PCDHGA4: variants seen among roughly 807,000 people sequenced by gnomAD.
PCDHGA4 encodes protocadherin gamma subfamily A, 4.
In PCDHGA4, 38 loss-of-function variants were observed where a neutral mutation model predicts 54.6. The ratio of observed to expected loss-of-function variants is 0.70; its 90% CI spans 0.54 to 0.91. The LOEUF is 0.91. Ranked by LOEUF, PCDHGA4 falls within the 40% of genes least tolerant of loss-of-function variation. PCDHGA4 has a pLI of 0.00. For synonymous variants in PCDHGA4, 511 were observed against 512.9 expected (o/e 1.00, Z 0.05); for missense variants, 1,298 against 1,220.9 (o/e 1.06, Z -0.94).
At chr5:141,388,893 G>C in intron 1 of PCDHGA4, 2 of 1,613,982 alleles carry the variant, frequency 1.2e-6, no homozygotes, top group South Asian at 2.2e-5. Flanking sequence ...AGAAGTCATA[G>C]ATGAAAATGA....
Position 141,512,147 on chromosome 5 carries a change from GGCTGA to G in PCDHGA4, c.*978_*982del, listed in dbSNP as rs1406468661. The G allele has an allele frequency of 1.3e-5, 2 of 152,652 alleles. No homozygotes were observed. Among genetic ancestry groups the G allele is most frequent in the Admixed American group, 6.5e-5 (1 of 15,286 alleles). The allele number at this position is 152,652 out of a possible 1,614,324, so 9.5% of individuals were successfully genotyped here. A position where few individuals can be genotyped will look rare whatever the true frequency, so the allele number is the denominator to read the frequency against. On this transcript the variant is annotated 3_prime_UTR_variant, in exon 4 of 4. Coordinates refer to ENST00000571252, the MANE Select transcript of PCDHGA4 (RefSeq NM_018917.4). ...GGCTCAGCCCAGGCAGCCAGCTTTG[GGCTGA>G]GCTAACAGGACCAATGGATTAAACT... is the stretch of plus-strand genomic sequence containing the variant.
chr5:141,384,726 T>C (rs1561604051), intron 1 of PCDHGA4: 3 of 1,613,886 alleles, frequency 1.9e-6, no homozygotes. Flanking sequence ...ACCTCCTGCT[T>C]AAGGCCAGCG....
At position 141,485,120 on chromosome 5, in the gene PCDHGA4, G is replaced by A. The variant is rs2099607447; in HGVS notation, c.2515-9687G>A. On this transcript the variant is annotated intron_variant, in intron 1 of 3. Coordinates refer to ENST00000571252, the MANE Select transcript of PCDHGA4 (RefSeq NM_018917.4). The surrounding 1 kb of genome is among the most constrained non-coding windows in gnomAD (Gnocchi z 5.7). ...TCCAGCTGCTGTGGCTGTTTGGGGC[G>A]GGTCGGCTTCATCCGCGTCTCAGGA... The A allele has an allele frequency of 1.5e-6, 2 of 1,348,050 alleles. No homozygotes were observed. Among genetic ancestry groups the A allele is most frequent in the Non-Finnish European group, 2.1e-6 (2 of 952,710 alleles). 83.5% of individuals were successfully genotyped at this position (1,348,050 alleles called of 1,614,324 possible).
intron 1 of PCDHGA4, among the ~76,000 whole-genome samples, chr5:141,429,654 T>C (rs1373502548): frequency 6.6e-6 from 1 of 152,232 alleles, no homozygotes; most frequent in Non-Finnish European, 1.5e-5. Context: ...TTCTTCCCAA[T>C]TTAAAATATA....
intron 1 of PCDHGA4, among the ~76,000 whole-genome samples, chr5:141,454,796 ATTTTTTTTTTTTTTTTTTT>A (rs61612330): frequency 3.9e-5 from 3 of 77,408 alleles, no homozygotes; most frequent in African/African-American, 1.2e-4. Context: ...CATGGTTCTA[ATTTTTTTTTTTTTTTTTTT>A]TTTTTTTTTT....
At chr5:141,388,083 C>G in intron 1 of PCDHGA4, 9 of 1,358,266 alleles carry the variant, frequency 6.6e-6, no homozygotes, top group Non-Finnish European at 9.1e-6. Context: ...TCGAAAACTG[C>G]GCGTCAGTTC....
intron 1 of PCDHGA4, chr5:141,410,555 C>G: frequency 1.2e-6 from 2 of 1,613,202 alleles, no homozygotes; most frequent in Non-Finnish European, 1.7e-6. Flanking sequence ...CAGTGTTTCT[C>G]CTGGAGCCTT....
At chr5:141,382,717 G>A (rs759719502) in intron 1 of PCDHGA4, 38 of 488,830 alleles carry the variant, frequency 7.8e-5, no homozygotes, top group Non-Finnish European at 9.8e-5. Flanking sequence ...AGAAACCACC[G>A]AGTTTTACAG....
In PCDHGA4 at chr5:141,422,440, T is replaced by G. The variant is rs1028472076; in HGVS notation, c.2514+64819T>G. 11 of 1,610,116 alleles carry G rather than the reference T, an allele frequency of 6.8e-6. No homozygotes were observed. The highest frequency in any genetic ancestry group is 2.7e-5 in the African/African-American group (2 of 74,560). On this transcript the variant is annotated intron_variant, in intron 1 of 3. Transcript: ENST00000571252. ...AAAGACTTATGGAAATTATTACAAATTGATAACAAGCAGAGTGCTGGACAG... is the reference window on the plus strand; with the variant it reads ...AAAGACTTATGGAAATTATTACAAAGTGATAACAAGCAGAGTGCTGGACAG...
chr5:141,466,612 C>T (rs141916895), intron 1 of PCDHGA4, among the ~76,000 whole-genome samples: 1 of 152,262 alleles, frequency 6.6e-6, no homozygotes, highest in East Asian at 1.9e-4. Flanking sequence ...TTGTAAACTG[C>T]CGTTTTCTTT....
At chr5:141,478,118 G>C in intron 1 of PCDHGA4, 2 of 1,614,048 alleles carry the variant, frequency 1.2e-6, no homozygotes, top group African/African-American at 1.3e-5. Context: ...GTCAGTAACC[G>C]AGGACTCTCC....
chr5:141,507,631 C>T (rs1435446169), intron 3 of PCDHGA4, among the ~76,000 whole-genome samples: 4 of 152,236 alleles, frequency 2.6e-5, no homozygotes, highest in East Asian at 3.8e-4. Context: ...TGTGGCCTTG[C>T]GCCCTGAGGC....
Position 141,486,277 on chromosome 5 carries a change from G to A in PCDHGA4, c.2515-8530G>A, listed in dbSNP as rs1156704202. 6.2e-7 allele frequency: 1 copy of A among 1,614,020 alleles called. No individual in the cohort carries two copies. The highest frequency in any genetic ancestry group is 1.1e-5 in the South Asian group (1 of 91,056). ...CCGAGAGTGCAGAACCTGGCACTGT[G>A]GTGGCACTTATCAGTGTGCAGGATC... On this transcript the variant is annotated intron_variant, in intron 1 of 3. Transcript: ENST00000571252. The surrounding 1 kb of genome is among the most constrained non-coding windows in gnomAD (Gnocchi z 5.0).
Position 141,372,286 on chromosome 5 carries a change from C to T in PCDHGA4, c.2514+14665C>T, listed in dbSNP as rs62620706. 47 of 1,613,150 alleles carry T rather than the reference C, an allele frequency of 2.9e-5. No homozygotes were observed. The African/African-American group carries it at 5.9e-4, about 20-fold the overall frequency. ...ACGGGTGAGGTGCGCACGGCGCGTA[C>T]CTTGGGCGACAGGGAGGCCGCCCGC... On this transcript the variant is annotated intron_variant, in intron 1 of 3. Coordinates refer to ENST00000571252, the MANE Select transcript of PCDHGA4 (RefSeq NM_018917.4).
At chr5:141,405,415 G>A in intron 1 of PCDHGA4, 4 of 1,559,568 alleles carry the variant, frequency 2.6e-6, no homozygotes, top group African/African-American at 1.4e-5. Flanking sequence ...TTCTTTTTTT[G>A]TTTTTTGTTT....
chr5:141,356,451 AT>A lies in PCDHGA4; in HGVS notation c.1345del (p.Tyr449IlefsTer5). ...CACTGGACAGGGAAGAAGTCTCAGA[AT>A]ATAACATCACTGTAACTGCCACTGA... ...RTLDREEVSEYNITVTATDQG... is the reference protein window; with the variant it reads ...RTLDREEVSEXNITVTATDQG... On this transcript the variant is annotated frameshift_variant, in exon 1 of 4. Coordinates refer to ENST00000571252, the MANE Select transcript of PCDHGA4 (RefSeq NM_018917.4). LOFTEE classifies it high-confidence loss of function. 6.2e-7 allele frequency: 1 copy of A among 1,613,212 alleles called. No individual in the cohort carries two copies. Among genetic ancestry groups the A allele is most frequent in the Non-Finnish European group, 8.5e-7 (1 of 1,179,466 alleles).
chr5:141,491,414 G>C lies in PCDHGA4; in HGVS notation c.2515-3393G>C, dbSNP rs137987971. 35 of 1,614,008 alleles carry C rather than the reference G, an allele frequency of 2.2e-5. No homozygotes were observed. Among genetic ancestry groups the C allele is most frequent in the African/African-American group, 1.3e-4 (10 of 74,910 alleles). On this transcript the variant is annotated intron_variant, in intron 1 of 3. Coordinates refer to ENST00000571252, the MANE Select transcript of PCDHGA4 (RefSeq NM_018917.4). The surrounding 1 kb of genome is among the most constrained non-coding windows in gnomAD (Gnocchi z 6.9). ...CTTCAGGGAAACGCAGACGGGGACG[G>C]GGGTGGAGGGCAGTGCTGCAGGCGC...
rs1350353768 is a variant in PCDHGA4, at chr5:141,476,524, T to A, written c.2515-18283T>A. Reference sequence around the variant, plus strand: ...TCAACGACAACAATCCTGCTTTCCCTACCCAGGAAATGAAATTGGAGATTA... The same window carrying A: ...TCAACGACAACAATCCTGCTTTCCCAACCCAGGAAATGAAATTGGAGATTA... On this transcript the variant is annotated intron_variant, in intron 1 of 3. Coordinates refer to ENST00000571252, the MANE Select transcript of PCDHGA4 (RefSeq NM_018917.4). The surrounding 1 kb of genome is among the most constrained non-coding windows in gnomAD (Gnocchi z 7.6). The A allele has an allele frequency of 1.2e-5, 20 of 1,614,064 alleles. No homozygotes were observed. The highest frequency in any genetic ancestry group is 1.7e-5 in the Non-Finnish European group (20 of 1,180,036).
chr5:141,462,423 G>A (rs1367388191), intron 1 of PCDHGA4, among the ~76,000 whole-genome samples: 1 of 151,820 alleles, frequency 6.6e-6, no homozygotes, highest in East Asian at 1.9e-4. Context: ...GTCTATCTTG[G>A]TGAGTGTTGC....
Sources: gnomAD v4.1 joint callset for allele counts (sites outside exome capture counted in the v4.1 genomes callset) on GRCh38, gnomAD v4.1.1 for gene constraint, Gnocchi (gnomAD v3.1) non-coding constraint, MANE v1.5 for transcripts, NCBI Gene and HGNC (gene_info 2026-07-23, HGNC 2026-07-21) for gene names.